The following ZC3H12C variants were observed in gnomAD, a reference collection of about 807,000 sequenced individuals.
ZC3H12C encodes the protein probable ribonuclease ZC3H12C.
Under a neutral mutation model 76.3 loss-of-function variants are expected in ZC3H12C, and 20 were observed. The ratio of observed to expected loss-of-function variants is 0.26; its 90% CI spans 0.18 to 0.38. The LOEUF (loss-of-function observed/expected upper bound fraction) is 0.38, where lower values mean the gene tolerates loss of function less well. Among genes scored for constraint, ZC3H12C ranks in the 10% least tolerant of loss-of-function variants. The pLI, the probability that ZC3H12C is intolerant of heterozygous loss-of-function variation, is 1.00. For synonymous variants in ZC3H12C, 352 were observed against 399.6 expected (o/e 0.88, Z 1.42); for missense variants, 874 against 1,086.5 (o/e 0.80, Z 2.75).
chr11:110,100,061 C>T (rs1289468042), intron 1 of ZC3H12C, among the ~76,000 whole-genome samples: 1 of 152,150 alleles, frequency 6.6e-6, no homozygotes, highest in African/African-American at 2.4e-5. Context: ...GTACACCATA[C>T]TGTACCTAGG....
intron 1 of ZC3H12C, among the ~76,000 whole-genome samples, chr11:110,098,706 A>T (rs534673661): frequency 2.0e-5 from 3 of 152,244 alleles, no homozygotes; most frequent in Non-Finnish European, 4.4e-5. Context: ...TTAGTACAGT[A>T]ATATGCTGTA....
rs551133189 is a variant in ZC3H12C at position 110,169,456 on chromosome 11, T to A, written c.*3719T>A. The A allele has an allele frequency of 1.3e-5, 2 of 152,008 alleles. No individual in the cohort carries two copies. Among genetic ancestry groups the A allele is most frequent in the African/African-American group, 4.8e-5 (2 of 41,488 alleles). 9.4% of individuals were successfully genotyped at this position (152,008 alleles called of 1,614,324 possible). A position where few individuals can be genotyped will look rare whatever the true frequency, so the allele number is the denominator to read the frequency against. ...TTAAAGTATGTTTGGTTTTCATTATTCTTTTTGCTCTCCAACTTCCTTATT... is the reference window on the plus strand; with the variant it reads ...TTAAAGTATGTTTGGTTTTCATTATACTTTTTGCTCTCCAACTTCCTTATT... On this transcript the variant is annotated 3_prime_UTR_variant, in exon 6 of 6. Transcript: ENST00000278590.
At chr11:110,159,788 T>A (rs563587064) in intron 4 of ZC3H12C, among the ~76,000 whole-genome samples, 2 of 152,328 alleles carry the variant, frequency 1.3e-5, no homozygotes, top group Non-Finnish European at 2.9e-5. Flanking sequence ...CTGGGGAAAT[T>A]CCCATCTTCA....
At chr11:110,093,664 C>T (rs1165893643) in intron 1 of ZC3H12C, among the ~76,000 whole-genome samples, 1 of 152,040 alleles carries the variant, frequency 6.6e-6, no homozygotes, top group Non-Finnish European at 1.5e-5. Flanking sequence ...GCATCCTCCC[C>T]TCGGGCAACG....
At chr11:110,136,459 A>G in intron 1 of ZC3H12C, 1 of 558,686 alleles carries the variant, frequency 1.8e-6, no homozygotes, top group Admixed American at 3.4e-5. Context: ...CCTTGGAGGA[A>G]TTACATGGCC....
chr11:110,163,170 G>T, intron 4 of ZC3H12C, 103 bp from the exon 5 acceptor site: 2 of 959,904 alleles, frequency 2.1e-6, no homozygotes, highest in Non-Finnish European at 3.0e-6. Flanking sequence ...GATTAAAATT[G>T]CAAAAAAAAT....
intron 1 of ZC3H12C, among the ~76,000 whole-genome samples, chr11:110,116,582 G>A (rs560413133): frequency 2.5e-4 from 38 of 152,274 alleles, no homozygotes; most frequent in Admixed American, 1.2e-3. Flanking sequence ...AAGGAGAGAC[G>A]TTTTAGAATT....
rs1862679007 is a variant in ZC3H12C at position 110,171,523 on chromosome 11, C to T, written c.*5786C>T. 6.6e-6 allele frequency: 1 copy of T among 152,110 alleles called. No individual in the cohort carries two copies. The highest frequency in any genetic ancestry group is 1.5e-5 in the Non-Finnish European group (1 of 68,020). The allele number at this position is 152,110 out of a possible 1,614,324, so 9.4% of individuals were successfully genotyped here. Reference sequence around the variant, plus strand: ...GTGTATTTCTGTAATGGAATCTTTACAATTCCCAAAACGGTATTTTAGACC... The same window carrying T: ...GTGTATTTCTGTAATGGAATCTTTATAATTCCCAAAACGGTATTTTAGACC... On this transcript the variant is annotated 3_prime_UTR_variant, in exon 6 of 6. Coordinates refer to ENST00000278590, the MANE Select transcript of ZC3H12C (RefSeq NM_033390.2).
intron 3 of ZC3H12C, among the ~76,000 whole-genome samples, chr11:110,156,172 G>T (rs1862374365): frequency 1.1e-5 from 1 of 87,812 alleles, no homozygotes; most frequent in East Asian, 3.8e-4. Flanking sequence ...AGGTATTATA[G>T]GTATTATAAC....
intron 1 of ZC3H12C, among the ~76,000 whole-genome samples, chr11:110,127,994 C>A (rs1861784070): frequency 6.6e-6 from 1 of 151,880 alleles, no homozygotes; most frequent in African/African-American, 2.4e-5. Flanking sequence ...ACCCCCACAT[C>A]AAAGCTTACT....
intron 2 of ZC3H12C, among the ~76,000 whole-genome samples, chr11:110,148,455 T>C (rs1862209599): frequency 6.6e-6 from 1 of 152,236 alleles, no homozygotes; most frequent in African/African-American, 2.4e-5. Context: ...TTTTGCTCAG[T>C]TGTAACTTGG....
chr11:110,105,361 T>C (rs887918817), intron 1 of ZC3H12C, among the ~76,000 whole-genome samples: 1 of 152,182 alleles, frequency 6.6e-6, no homozygotes, highest in Non-Finnish European at 1.5e-5. Flanking sequence ...CTGTTTTAGG[T>C]TAAAATACAT....
At chr11:110,104,127 G>C (rs577062104) in intron 1 of ZC3H12C, among the ~76,000 whole-genome samples, 1 of 151,650 alleles carries the variant, frequency 6.6e-6, no homozygotes, top group African/African-American at 2.4e-5. Flanking sequence ...TCTGCCTCCC[G>C]GGGCAGATGT....
chr11:110,124,512 C>T (rs17110765), intron 1 of ZC3H12C, among the ~76,000 whole-genome samples: 4,926 of 152,238 alleles, frequency 0.032, 155 homozygotes, highest in East Asian at 0.087. Context: ...TTGTACTGTA[C>T]ACACTATTCA....
At chr11:110,101,441 G>T (rs1302624867) in intron 1 of ZC3H12C, among the ~76,000 whole-genome samples, 1 of 152,196 alleles carries the variant, frequency 6.6e-6, no homozygotes, top group Non-Finnish European at 1.5e-5. Flanking sequence ...GCAAGGACAG[G>T]CTGAAGGACA....
chr11:110,118,388 A>G (rs1266523012), intron 1 of ZC3H12C, among the ~76,000 whole-genome samples: 1 of 152,202 alleles, frequency 6.6e-6, no homozygotes, highest in Admixed American at 6.6e-5. Flanking sequence ...TTTGTGTATA[A>G]GAATAGGTGT....
intron 1 of ZC3H12C, chr11:110,124,017 G>A (rs1479635989): frequency 1.3e-5 from 2 of 152,278 alleles, no homozygotes; most frequent in African/African-American, 4.8e-5. Flanking sequence ...AGATCTCAAA[G>A]AGAAATGTGC....
At chr11:110,097,795 A>T (rs1319200359) in intron 1 of ZC3H12C, among the ~76,000 whole-genome samples, 2 of 152,214 alleles carry the variant, frequency 1.3e-5, no homozygotes, top group African/African-American at 4.8e-5. Context: ...ACAGTGGTGC[A>T]TAAGATTATA....
rs1862636020 is a variant in ZC3H12C, at chr11:110,169,346, GTGTGT to G, written c.*3610_*3614del. On this transcript the variant is annotated 3_prime_UTR_variant, in exon 6 of 6. Transcript: ENST00000278590. ...GGTGGGAGGATGGCTCTGGGTGTGT[GTGTGT>G]GTGTGTGTGTGTGTGTGTGTGTGTG... 4 of 62,914 alleles carry G rather than the reference GTGTGT, an allele frequency of 6.4e-5. No homozygotes were observed. Among genetic ancestry groups the G allele is most frequent in the African/African-American group, 2.8e-4 (3 of 10,748 alleles). The allele number at this position is 62,914 out of a possible 1,614,324, so 3.9% of individuals were successfully genotyped here.
Sources: gnomAD v4.1 joint callset for allele counts (sites outside exome capture counted in the v4.1 genomes callset) on GRCh38, gnomAD v4.1.1 for gene constraint, MANE v1.5 for transcripts, NCBI Gene and HGNC (gene_info 2026-07-23, HGNC 2026-07-21) for gene names.